The following TDRD5 variants were observed in gnomAD, a reference collection of about 807,000 sequenced individuals.
TDRD5 encodes the protein tudor domain-containing protein 5.
TDRD5 carries 41 observed loss-of-function variants against 120.6 expected under a neutral mutation model. The observed-to-expected ratio is 0.34, with a 90% CI of 0.26 to 0.44. The LOEUF (loss-of-function observed/expected upper bound fraction) is 0.44, where lower values mean the gene tolerates loss of function less well. TDRD5 is among the 20% of genes least tolerant of loss of function. The pLI is 1.00. For missense variants in TDRD5, 1,006 were observed against 1,221.2 expected (o/e 0.82, Z 2.63); for synonymous variants, 430 against 433.7 (o/e 0.99, Z 0.11).
intron 7 of TDRD5, among the ~76,000 whole-genome samples, chr1:179,632,545 G>T (rs867877658): frequency 6.6e-5 from 10 of 151,964 alleles, no homozygotes; most frequent in African/African-American, 2.2e-4. Flanking sequence ...AAATAATACT[G>T]TTAGAATGTT....
chr1:179,615,468 G>A (rs975529589), intron 4 of TDRD5, among the ~76,000 whole-genome samples: 9 of 152,012 alleles, frequency 5.9e-5, no homozygotes, highest in African/African-American at 1.7e-4. Context: ...TTGATTGAAA[G>A]CTCTTTCTCT....
intron 11 of TDRD5, among the ~76,000 whole-genome samples, chr1:179,649,304 TC>T (rs1369334501): frequency 6.6e-6 from 1 of 152,166 alleles, no homozygotes; most frequent in Non-Finnish European, 1.5e-5. Flanking sequence ...ATTGCCTATT[TC>T]CCATATTTAT....
chr1:179,690,505 A>C (rs148388066), intron 17 of TDRD5, among the ~76,000 whole-genome samples, 191 bp from the exon 18 acceptor site: 1 of 152,180 alleles, frequency 6.6e-6, no homozygotes, highest in Admixed American at 6.5e-5. Context: ...ATCTCAATTC[A>C]TGATTCCCCA....
intron 17 of TDRD5, among the ~76,000 whole-genome samples, chr1:179,687,111 T>C (rs1471471935): frequency 6.6e-6 from 1 of 152,216 alleles, no homozygotes; most frequent in Non-Finnish European, 1.5e-5. Context: ...CTCTTGCTTC[T>C]CTAGTTCTTT....
intron 4 of TDRD5, among the ~76,000 whole-genome samples, chr1:179,602,759 A>G (rs563916446): frequency 6.6e-6 from 1 of 152,276 alleles, no homozygotes; most frequent in South Asian, 2.1e-4. Flanking sequence ...TACCAGTAGC[A>G]TGCTTTTTTG....
At chr1:179,669,674 T>C (rs570035128) in intron 17 of TDRD5, among the ~76,000 whole-genome samples, 4 of 151,856 alleles carry the variant, frequency 2.6e-5, no homozygotes, top group African/African-American at 9.7e-5. Context: ...AGTGTATAGT[T>C]CTTTGAGTTT....
intron 4 of TDRD5, among the ~76,000 whole-genome samples, chr1:179,605,320 C>A (rs1253686135): frequency 6.6e-6 from 1 of 152,094 alleles, no homozygotes; most frequent in Non-Finnish European, 1.5e-5. Context: ...GAATTCTTAT[C>A]CATTCTGCAG....
rs1681088672 is a variant in TDRD5 at position 179,690,552 on chromosome 1, T to C, written c.2861-144T>C. 4 of 1,085,306 alleles carry C rather than the reference T, an allele frequency of 3.7e-6. No individual in the cohort carries two copies. In the South Asian group the frequency reaches 6.9e-5, roughly 19 times the overall value. The allele number at this position is 1,085,306 out of a possible 1,614,324, so 67.2% of individuals were successfully genotyped here. ...TTTGTTGACTGGTTTCTAAGTCTCATCTTCTCTGATTAGCCATTGGTAATT... is the reference window on the plus strand; with the variant it reads ...TTTGTTGACTGGTTTCTAAGTCTCACCTTCTCTGATTAGCCATTGGTAATT... On this transcript the variant is annotated intron_variant, in intron 17 of 17. Coordinates refer to ENST00000444136, the MANE Select transcript of TDRD5 (RefSeq NM_001199085.3).
At chr1:179,601,328 TC>T (rs1458923659) in intron 4 of TDRD5, among the ~76,000 whole-genome samples, 1 of 152,124 alleles carries the variant, frequency 6.6e-6, no homozygotes, top group East Asian at 1.9e-4. Context: ...ATGAGTAAAT[TC>T]TTTAGTGGTA....
In TDRD5 at chr1:179,678,546, G is replaced by A. The variant is rs183310245; in HGVS notation, c.2860+9142G>A. 7.9e-5 allele frequency among the ~76,000 whole-genome samples: 12 copies of A among 152,170 alleles called. No homozygotes were observed. In the Middle Eastern group the frequency reaches 0.014, roughly 173 times the overall value. On this transcript the variant is annotated intron_variant, in intron 17 of 17. Coordinates refer to ENST00000444136, the MANE Select transcript of TDRD5 (RefSeq NM_001199085.3). ...TATAGAGTAGTCCTGCCTCCTATCC[G>A]CCATCTTAATCGACTATATTTAAAC...
intron 17 of TDRD5, 84 bp from the exon 18 acceptor site, chr1:179,690,612 T>TTAG: frequency 6.6e-7 from 1 of 1,521,018 alleles, no homozygotes; most frequent in Non-Finnish European, 8.8e-7. Context: ...GTAACACATA[T>TTAG]TAGTATAGAA....
intron 16 of TDRD5, among the ~76,000 whole-genome samples, chr1:179,666,179 C>G (rs1392047736): frequency 6.6e-6 from 1 of 152,098 alleles, no homozygotes; most frequent in Admixed American, 6.6e-5. Context: ...TCTTCTAATC[C>G]AACTCCCATC....
intron 17 of TDRD5, among the ~76,000 whole-genome samples, chr1:179,689,852 C>G (rs2147835760): frequency 6.6e-6 from 1 of 152,306 alleles, no homozygotes; most frequent in East Asian, 1.9e-4. Flanking sequence ...CCCTCCAAGC[C>G]AGGCATGGGA....
At chr1:179,676,786 C>T (rs912424878) in intron 17 of TDRD5, among the ~76,000 whole-genome samples, 1 of 152,186 alleles carries the variant, frequency 6.6e-6, no homozygotes, top group Non-Finnish European at 1.5e-5. Context: ...AAGAGTCTTT[C>T]CTTGGTCTTG....
intron 4 of TDRD5, among the ~76,000 whole-genome samples, chr1:179,617,400 C>T (rs1676619236): frequency 6.6e-6 from 1 of 152,136 alleles, no homozygotes; most frequent in Non-Finnish European, 1.5e-5. Context: ...TGCCTCATCA[C>T]ATTTAGTTTT....
rs748989636 is a variant in TDRD5, at chr1:179,634,448, T to C, written c.1127-9T>C. ...GGAGTTGTTTCATCAGTCGGAAATT[T>C]GTGTTTAGTTCAGTCAGATAAGAAA... On this transcript the variant is annotated splice_polypyrimidine_tract_variant and intron_variant, in intron 7 of 17. Coordinates refer to ENST00000444136, the MANE Select transcript of TDRD5 (RefSeq NM_001199085.3). The C allele has an allele frequency of 2.5e-6, 4 of 1,585,556 alleles. No homozygotes were observed. The highest frequency in any genetic ancestry group is 3.4e-6 in the Non-Finnish European group (4 of 1,172,344).
chr1:179,592,491 T>G lies in TDRD5; in HGVS notation c.-14-111T>G, dbSNP rs1029783304. The G allele has an allele frequency of 3.6e-5, 30 of 832,640 alleles. No homozygotes were observed. The South Asian group carries it at 5.1e-4, about 14-fold the overall frequency. 51.6% of individuals were successfully genotyped at this position (832,640 alleles called of 1,614,324 possible). A position where few individuals can be genotyped will look rare whatever the true frequency, so the allele number is the denominator to read the frequency against. On this transcript the variant is annotated intron_variant, in intron 1 of 17. Coordinates refer to ENST00000444136, the MANE Select transcript of TDRD5 (RefSeq NM_001199085.3). ...GCACCCTCATACTACTACTTCTGCC[T>G]TATTACCCTTAAAACTGGAGTCTCA...
chr1:179,614,525 A>G (rs2101955012), intron 4 of TDRD5, among the ~76,000 whole-genome samples: 1 of 152,234 alleles, frequency 6.6e-6, no homozygotes, highest in East Asian at 1.9e-4. Context: ...CATTGATTGA[A>G]AGGAATGTTT....
intron 17 of TDRD5, among the ~76,000 whole-genome samples, chr1:179,669,654 C>CTATATATA (rs1679751042): frequency 6.6e-6 from 1 of 151,954 alleles, no homozygotes; most frequent in African/African-American, 2.4e-5. Context: ...GTAAAATTTG[C>CTATATATA]TGGTTGTCAA....
Sources: allele counts gnomAD v4.1 joint callset (sites outside exome capture counted in the v4.1 genomes callset), GRCh38; gene constraint gnomAD v4.1.1; transcripts MANE v1.5; gene names NCBI Gene and HGNC (gene_info 2026-07-23, HGNC 2026-07-21).